SOX5: variants seen among roughly 807,000 people sequenced by gnomAD.
SOX5 encodes SRY-box transcription factor 5, also known as transcription factor SOX-5.
SOX5 carries 9 observed loss-of-function variants against 92.0 expected under a neutral mutation model. The ratio of observed to expected loss-of-function variants is 0.10; its 90% CI spans 0.06 to 0.17. The LOEUF is 0.17. SOX5 is among the 10% of genes least tolerant of loss of function. SOX5 has a pLI of 1.00. For missense variants in SOX5, 642 were observed against 944.5 expected (o/e 0.68, Z 4.20); for synonymous variants, 344 against 336.3 (o/e 1.02, Z -0.25).
chr12:23,981,056 G>A (rs1949526841), intron 4 of SOX5, among the ~76,000 whole-genome samples: 1 of 152,122 alleles, frequency 6.6e-6, no homozygotes, highest in African/African-American at 2.4e-5. Flanking sequence ...CTAGTCTGAA[G>A]CTACCACAGT....
chr12:23,548,733 A>G (rs7139171), intron 11 of SOX5, among the ~76,000 whole-genome samples: 2,114 of 152,180 alleles, frequency 0.014, 51 homozygotes, highest in African/African-American at 0.047. Flanking sequence ...TAATTGTCCT[A>G]TAATTCCATA....
At chr12:24,164,054 G>T (rs1953091148) in intron 4 of SOX5, among the ~76,000 whole-genome samples, 1 of 152,002 alleles carries the variant, frequency 6.6e-6, no homozygotes, top group Non-Finnish European at 1.5e-5. Context: ...ATATATATTT[G>T]CCCATGGAAC....
intron 1 of SOX5, among the ~76,000 whole-genome samples, chr12:24,399,788 T>C (rs1433948210): frequency 2.0e-5 from 3 of 152,210 alleles, no homozygotes; most frequent in African/African-American, 7.2e-5. Context: ...TGAGATTTTC[T>C]CTTGTGCTCC....
intron 2 of SOX5, among the ~76,000 whole-genome samples, chr12:23,861,053 G>A (rs1014744022): frequency 1.3e-5 from 2 of 150,770 alleles, no homozygotes; most frequent in African/African-American, 4.9e-5. Context: ...AAATGAGAAG[G>A]CTCTAGAACA....
intron 2 of SOX5, among the ~76,000 whole-genome samples, chr12:24,327,337 A>C (rs543902069): frequency 6.8e-6 from 1 of 147,258 alleles, no homozygotes; most frequent in African/African-American, 2.5e-5. Flanking sequence ...GTCCATACAG[A>C]TGACGCAGGT....
At chr12:24,331,418 A>G (rs1299563254) in intron 2 of SOX5, 1 of 152,222 alleles carries the variant, frequency 6.6e-6, no homozygotes, top group Non-Finnish European at 1.5e-5. Context: ...AAAATAAACA[A>G]CAAAAGCACT....
intron 1 of SOX5, among the ~76,000 whole-genome samples, chr12:24,370,845 A>G (rs1956668729): frequency 6.6e-6 from 1 of 152,198 alleles, no homozygotes; most frequent in Non-Finnish European, 1.5e-5. Context: ...GTTAAGTCAC[A>G]TATTCCTTGT....
intron 3 of SOX5, among the ~76,000 whole-genome samples, chr12:23,769,767 A>G (rs1362962504): frequency 6.6e-6 from 1 of 152,172 alleles, no homozygotes; most frequent in African/African-American, 2.4e-5. Context: ...GTCTCTGAAG[A>G]TCAACATTAT....
At chr12:23,951,090 G>T (rs1020387658), upstream of SOX5, 4 of 474,804 alleles carry the variant, frequency 8.4e-6, no homozygotes, top group Non-Finnish European at 1.5e-5. Flanking sequence ...ATAAGGGAAA[G>T]AGAGGAAAAA....
At chr12:24,032,713 T>C (rs1955633120) in intron 4 of SOX5, among the ~76,000 whole-genome samples, 1 of 151,806 alleles carries the variant, frequency 6.6e-6, no homozygotes, top group Admixed American at 6.6e-5. Context: ...GAAATATAAG[T>C]GAAAGAGAAG....
intron 4 of SOX5, among the ~76,000 whole-genome samples, chr12:24,095,420 C>CTTATTTATTTAT (rs146858914): frequency 0.01 from 1,461 of 140,246 alleles, 31 homozygotes; most frequent in African/African-American, 0.028. Context: ...TGCCCTCTCC[C>CTTATTTATTTAT]TTATTTATTT....
At chr12:23,853,368 A>G (rs1164397469) in intron 2 of SOX5, among the ~76,000 whole-genome samples, 2 of 151,782 alleles carry the variant, frequency 1.3e-5, no homozygotes, top group East Asian at 1.9e-4. Context: ...AAAATATTAT[A>G]TTTTGTTTTA....
chr12:24,303,730 T>C (rs1301721353), intron 2 of SOX5, among the ~76,000 whole-genome samples: 1 of 152,302 alleles, frequency 6.6e-6, no homozygotes, highest in African/African-American at 2.4e-5. Context: ...TCCTGTGTTC[T>C]GTTTGTAGAA....
intron 3 of SOX5, among the ~76,000 whole-genome samples, chr12:24,225,239 C>T (rs932107830): frequency 6.6e-6 from 1 of 152,142 alleles, no homozygotes; most frequent in African/African-American, 2.4e-5. Context: ...TTATACCTAA[C>T]CCATCACCAA....
chr12:24,017,975 C>T (rs2099451524), intron 4 of SOX5, among the ~76,000 whole-genome samples: 1 of 152,176 alleles, frequency 6.6e-6, no homozygotes, highest in African/African-American at 2.4e-5. Context: ...CCACTCTGCT[C>T]CCGTTAACTC....
In SOX5 at chr12:24,108,343, C is replaced by A. The variant is rs565832185; in HGVS notation, c.-2+105000G>T. Among the ~76,000 whole-genome samples, 2 of 152,200 alleles carry A rather than the reference C, an allele frequency of 1.3e-5. 1 individual carries two copies. Among genetic ancestry groups the A allele is most frequent in the African/African-American group, 4.8e-5 (2 of 41,540 alleles). On this transcript the variant is annotated intron_variant, in intron 4 of 4. Transcript: ENST00000446891. ...TTTTTATTCCTATTTCCTATCTCCT[C>A]ATTTAATTCATGCATCATCATTACT...
intron 3 of SOX5, among the ~76,000 whole-genome samples, chr12:24,221,565 T>C (rs531649419): frequency 1.3e-5 from 2 of 152,322 alleles, no homozygotes; most frequent in South Asian, 2.1e-4. Context: ...AAGGTTGTTA[T>C]AAGTTTAAAT....
chr12:24,003,795 G>A (rs1420137938), intron 4 of SOX5, among the ~76,000 whole-genome samples: 1 of 150,508 alleles, frequency 6.6e-6, no homozygotes, highest in Non-Finnish European at 1.5e-5. Flanking sequence ...AAACTTACAA[G>A]TTGATTTTAT....
intron 4 of SOX5, among the ~76,000 whole-genome samples, chr12:24,079,609 C>A (rs1943082378): frequency 6.6e-6 from 1 of 151,798 alleles, no homozygotes; most frequent in South Asian, 2.1e-4. Context: ...TAATTTGAAA[C>A]CACTGATTAA....
Sources: gnomAD v4.1 joint callset for allele counts (sites outside exome capture counted in the v4.1 genomes callset) on GRCh38, gnomAD v4.1.1 for gene constraint, MANE v1.5 for transcripts, NCBI Gene and HGNC (gene_info 2026-07-23, HGNC 2026-07-21) for gene names.